The following GPR39 variants were observed in gnomAD, a reference collection of about 807,000 sequenced individuals.
GPR39 encodes the protein G protein-coupled receptor 39, also known as zinc sensing receptor.
In GPR39, 23 loss-of-function variants were observed where a neutral mutation model predicts 18.4. That is an observed-to-expected ratio of 1.25 (90% CI 0.90 to 1.77). The LOEUF (loss-of-function observed/expected upper bound fraction) is 1.77, where lower values mean the gene tolerates loss of function less well. Ranked by LOEUF, GPR39 falls within the 40% of genes most tolerant of loss-of-function variation. The pLI is 0.00. For synonymous variants in GPR39, 280 were observed against 257.9 expected (o/e 1.09, Z -0.82); for missense variants, 647 against 602.4 (o/e 1.07, Z -0.78).
chr2:132,474,562 G>A (rs1165543328), intron 1 of GPR39, among the ~76,000 whole-genome samples: 2 of 152,216 alleles, frequency 1.3e-5, no homozygotes, highest in East Asian at 1.9e-4. Flanking sequence ...GCATGCATGC[G>A]TGGAGTGTTT....
Position 132,645,212 on chromosome 2 carries a change from T to C in GPR39, c.968T>C (p.Met323Thr). The C allele has an allele frequency of 6.2e-7, 1 of 1,614,186 alleles. No homozygotes were observed. The highest frequency in any genetic ancestry group is 8.5e-7 in the Non-Finnish European group (1 of 1,180,024). ...ACGAGGTCCTACTTCCGGGCGTACA[T>C]GATCCTCCTCCCCTTCTCGGAGACG... ...DWTRSYFRAYMILLPFSETFF... is the reference protein window; with the variant it reads ...DWTRSYFRAYTILLPFSETFF... The change falls in exon 2 of 2, where the codon ATG becomes ACG. Residue 323 changes from methionine to threonine, a missense_variant. By Grantham distance (81) the Met-to-Thr change is moderately conservative. Around this residue, in one of 3 missense-constraint regions of GPR39, gnomAD observed 581 missense variants for 506.8 expected, o/e 1.15. Transcript: ENST00000329321.
intron 1 of GPR39, among the ~76,000 whole-genome samples, chr2:132,480,439 A>G (rs1230310232): frequency 1.3e-5 from 2 of 152,224 alleles, no homozygotes; most frequent in Non-Finnish European, 2.9e-5. Flanking sequence ...TAATAATAAT[A>G]AAAAGAATAT....
At position 132,551,632 on chromosome 2, in the gene GPR39, T is replaced by C. The variant is rs12612844; in HGVS notation, c.857-93469T>C. On this transcript the variant is annotated intron_variant, in intron 1 of 1. Transcript: ENST00000329321. ...AGATTATTTCCCAACCAAAGGCTTA[T>C]CTGAGGATAACAAAACAATTCCATT... Among the ~76,000 whole-genome samples, 420 of 152,364 alleles carry C rather than the reference T, an allele frequency of 2.8e-3. 7 individuals carry two copies. In the East Asian group the frequency reaches 0.052, roughly 19 times the overall value.
chr2:132,619,834 C>CAG (rs1383642921), intron 1 of GPR39, among the ~76,000 whole-genome samples: 14 of 139,164 alleles, frequency 1.0e-4, no homozygotes, highest in African/African-American at 3.3e-4. Context: ...GACACAGACA[C>CAG]ACACACACAC....
rs758284333 is a variant in GPR39 at position 132,646,171 on chromosome 2, G to A, written c.*565G>A. On this transcript the variant is annotated 3_prime_UTR_variant, in exon 2 of 2. Transcript: ENST00000329321. ...GCCCGTTACAAAGAGGGGTGTTGCAGCAGCTGATGCAAACTGAGTTCAGTT... is the reference window on the plus strand; with the variant it reads ...GCCCGTTACAAAGAGGGGTGTTGCAACAGCTGATGCAAACTGAGTTCAGTT... 1.2e-6 allele frequency: 2 copies of A among 1,611,098 alleles called. No individual in the cohort carries two copies. Among genetic ancestry groups the A allele is most frequent in the African/African-American group, 1.3e-5 (1 of 74,884 alleles).
chr2:132,534,485 C>T (rs180891951), intron 1 of GPR39, among the ~76,000 whole-genome samples: 1 of 147,768 alleles, frequency 6.8e-6, no homozygotes, highest in Admixed American at 6.9e-5. Context: ...CATCCCATTA[C>T]TGGGTATATA....
At chr2:132,481,239 C>T (rs531051661) in intron 1 of GPR39, among the ~76,000 whole-genome samples, 9 of 152,204 alleles carry the variant, frequency 5.9e-5, no homozygotes, top group Admixed American at 3.9e-4. Context: ...GTATTCGTGT[C>T]GGTGCTCTAT....
chr2:132,459,224 C>A (rs1257932377), intron 1 of GPR39, among the ~76,000 whole-genome samples: 3 of 151,470 alleles, frequency 2.0e-5, no homozygotes, highest in African/African-American at 4.9e-5. Context: ...GTGTTTGTGT[C>A]TCTTGTTTAG....
At chr2:132,618,019 C>A (rs942766895) in intron 1 of GPR39, among the ~76,000 whole-genome samples, 1 of 152,192 alleles carries the variant, frequency 6.6e-6, no homozygotes, top group African/African-American at 2.4e-5. Context: ...CCCTAAAACT[C>A]GTCTTGGTCT....
intron 1 of GPR39, among the ~76,000 whole-genome samples, chr2:132,630,681 G>C (rs1263632798): frequency 6.6e-6 from 1 of 152,142 alleles, no homozygotes; most frequent in African/African-American, 2.4e-5. Flanking sequence ...GGAGATGATG[G>C]TAGTAGCCCC....
rs747314988 is a variant in GPR39, at chr2:132,591,257, C to CAA, written c.857-53825_857-53824dup. Among the ~76,000 whole-genome samples, 48 of 24,472 alleles carry CAA rather than the reference C, an allele frequency of 2.0e-3. 5 individuals carry two copies. The highest frequency in any genetic ancestry group is 4.1e-3 in the South Asian group (2 of 492). 16.1% of individuals were successfully genotyped at this position (24,472 alleles called of 152,430 possible). A position where few individuals can be genotyped will look rare whatever the true frequency, so the allele number is the denominator to read the frequency against. On this transcript the variant is annotated intron_variant, in intron 1 of 1. Transcript: ENST00000329321. ...TGGGCGACAGAGCGAGACTCCGTCT[C>CAA]AAAAAAAAAAAAAAAAAAAACAAAA...
chr2:132,509,169 A>G (rs962420549), intron 1 of GPR39, among the ~76,000 whole-genome samples: 5 of 152,238 alleles, frequency 3.3e-5, no homozygotes, highest in African/African-American at 1.2e-4. Flanking sequence ...CCTTAGCCTG[A>G]CAGATCAGTA....
At chr2:132,534,896 G>A (rs548234035) in intron 1 of GPR39, among the ~76,000 whole-genome samples, 1 of 152,000 alleles carries the variant, frequency 6.6e-6, no homozygotes, top group Admixed American at 6.6e-5. Context: ...GCTAAATGAC[G>A]AGTTAAGGGG....
At chr2:132,452,516 T>C (rs1313043725) in intron 1 of GPR39, among the ~76,000 whole-genome samples, 1 of 152,166 alleles carries the variant, frequency 6.6e-6, no homozygotes, top group Non-Finnish European at 1.5e-5. Context: ...CTAGGGTACA[T>C]GTGCACAGCA....
chr2:132,522,547 A>G (rs1679444865), intron 1 of GPR39, among the ~76,000 whole-genome samples: 1 of 152,224 alleles, frequency 6.6e-6, no homozygotes, highest in Admixed American at 6.5e-5. Context: ...AGCAGGGATT[A>G]TTATCCTGAT....
chr2:132,442,461 C>T (rs11686017), intron 1 of GPR39, among the ~76,000 whole-genome samples: 75,104 of 152,022 alleles, frequency 0.49, 20,250 homozygotes, highest in Non-Finnish European at 0.61. Context: ...GCTCCCTGAC[C>T]GCCATTAACA....
At chr2:132,630,581 G>A (rs558609347) in intron 1 of GPR39, among the ~76,000 whole-genome samples, 78 of 152,324 alleles carry the variant, frequency 5.1e-4, no homozygotes, top group Non-Finnish European at 1.5e-4. Flanking sequence ...AGGAGGTGAT[G>A]TGAACTCTTC....
chr2:132,437,417 C>T (rs1305895856), intron 1 of GPR39, among the ~76,000 whole-genome samples: 1 of 152,120 alleles, frequency 6.6e-6, no homozygotes, highest in Admixed American at 6.5e-5. Flanking sequence ...TGAGAAGAGA[C>T]ATGCAGGGAG....
intron 1 of GPR39, among the ~76,000 whole-genome samples, chr2:132,618,659 C>T (rs890979842): frequency 4.6e-5 from 7 of 152,134 alleles, no homozygotes; most frequent in Non-Finnish European, 2.9e-5. Flanking sequence ...ACACATGCAC[C>T]AGGGATGAAG....
Sources: allele counts gnomAD v4.1 joint callset (sites outside exome capture counted in the v4.1 genomes callset), GRCh38; gene constraint gnomAD v4.1.1; regional missense constraint gnomAD v4.1.1; transcripts MANE v1.5; gene names NCBI Gene and HGNC (gene_info 2026-07-23, HGNC 2026-07-21).